Variants in GRM5 observed in about 807,000 individuals in gnomAD.
GRM5 encodes glutamate metabotropic receptor 5.
GRM5 carries 19 observed loss-of-function variants against 83.1 expected under a neutral mutation model. The ratio of observed to expected loss-of-function variants is 0.23; its 90% CI spans 0.16 to 0.34. The LOEUF (loss-of-function observed/expected upper bound fraction) is 0.34. Among genes scored for constraint, GRM5 ranks in the 10% least tolerant of loss-of-function variants. GRM5 has a pLI of 1.00. For synonymous variants in GRM5, 675 were observed against 633.6 expected, an observed-to-expected ratio of 1.07 and a Z score of -0.98; for missense variants, 1,160 against 1,588.3, an observed-to-expected ratio of 0.73 and a Z score of 4.58.
chr11:88,844,990 T>C lies in GRM5; in HGVS notation c.911+4916A>G, dbSNP rs1328120383. On this transcript the variant is annotated intron_variant, in intron 3 of 9. Transcript: ENST00000305447. ...GAAGTTGCTATAAGCATTGTTGAAA[T>C]GACAACAAAGAATTTAGAATATTAC... is the stretch of plus-strand genomic sequence containing the variant. Among the ~76,000 whole-genome samples the C allele has an allele frequency of 2.0e-5, 3 of 152,200 alleles. No homozygotes were observed. The East Asian group carries it at 5.8e-4, about 29-fold the overall frequency.
At chr11:88,773,777 T>C (rs907257018) in intron 3 of GRM5, among the ~76,000 whole-genome samples, 22 of 152,220 alleles carry the variant, frequency 1.4e-4, no homozygotes, top group Admixed American at 6.5e-4. Flanking sequence ...TATGGTATTA[T>C]TTCTGAGGCC....
chr11:89,049,815 C>A (rs1941719700), intron 1 of GRM5, among the ~76,000 whole-genome samples: 1 of 152,144 alleles, frequency 6.6e-6, no homozygotes, highest in African/African-American at 2.4e-5. Context: ...GAAATGAAGA[C>A]TGTTAGATTT....
At chr11:88,957,253 A>G (rs561980394) in intron 2 of GRM5, among the ~76,000 whole-genome samples, 156 of 152,312 alleles carry the variant, frequency 1.0e-3, no homozygotes, top group African/African-American at 3.6e-3. Context: ...TATATTCAAG[A>G]GAATTGTAAG....
intron 5 of GRM5, among the ~76,000 whole-genome samples, chr11:88,598,827 T>C (rs1388140274): frequency 1.3e-5 from 2 of 152,200 alleles, no homozygotes; most frequent in East Asian, 1.9e-4. Flanking sequence ...TGAAGAAATA[T>C]GTGGGTGTCA....
chr11:88,632,870 T>G (rs1031138883), intron 4 of GRM5, among the ~76,000 whole-genome samples: 4 of 152,210 alleles, frequency 2.6e-5, no homozygotes, highest in African/African-American at 9.6e-5. Flanking sequence ...TATAATTTTA[T>G]CCATACTAAT....
At chr11:88,779,337 G>T (rs1460522841) in intron 3 of GRM5, among the ~76,000 whole-genome samples, 3 of 152,096 alleles carry the variant, frequency 2.0e-5, no homozygotes, top group African/African-American at 7.2e-5. Flanking sequence ...ACCTAGCATG[G>T]TAATATTTGC....
intron 3 of GRM5, among the ~76,000 whole-genome samples, chr11:88,758,489 C>G (rs1942442780): frequency 6.6e-6 from 1 of 152,046 alleles, no homozygotes; most frequent in African/African-American, 2.4e-5. Context: ...AAGAAAGAAC[C>G]TCAGAGCTTT....
intron 1 of GRM5, among the ~76,000 whole-genome samples, chr11:89,061,809 T>A (rs771731042): frequency 6.6e-6 from 1 of 152,222 alleles, no homozygotes; most frequent in Non-Finnish European, 1.5e-5. Context: ...TAAGTGAACA[T>A]TGAAGAGTTT....
intron 2 of GRM5, among the ~76,000 whole-genome samples, chr11:89,009,421 A>C (rs1325654905): frequency 1.3e-5 from 2 of 152,178 alleles, no homozygotes; most frequent in South Asian, 4.1e-4. Context: ...CCATTGAGAA[A>C]ATTAAAGCTC....
intron 3 of GRM5, among the ~76,000 whole-genome samples, chr11:88,733,887 G>C (rs1941857241): frequency 6.6e-6 from 1 of 151,894 alleles, no homozygotes; most frequent in African/African-American, 2.4e-5. Flanking sequence ...GGGAAAAAGA[G>C]GGTCTATGAC....
intron 8 of GRM5, among the ~76,000 whole-genome samples, chr11:88,544,907 G>T (rs1354189697): frequency 1.3e-5 from 2 of 152,172 alleles, no homozygotes; most frequent in Non-Finnish European, 2.9e-5. Flanking sequence ...ATTAAGGTTT[G>T]CACTATAGAA....
intron 3 of GRM5, among the ~76,000 whole-genome samples, chr11:88,690,270 C>T (rs1423547836): frequency 6.6e-6 from 1 of 151,846 alleles, no homozygotes; most frequent in African/African-American, 2.4e-5. Flanking sequence ...CTTGCTTTAC[C>T]CTGAATTTCA....
intron 1 of GRM5, among the ~76,000 whole-genome samples, chr11:89,049,757 GA>G (rs1009139632): frequency 2.6e-5 from 4 of 152,028 alleles, no homozygotes; most frequent in Non-Finnish European, 4.4e-5. Context: ...GGAATATATA[GA>G]AAAAAATAGT....
intron 6 of GRM5, among the ~76,000 whole-genome samples, chr11:88,593,862 C>G (rs150469613): frequency 6.6e-6 from 1 of 150,376 alleles, no homozygotes; most frequent in African/African-American, 2.4e-5. Context: ...GGCGCCATCT[C>G]GGCTCACTGC....
chr11:88,886,056 AATCT>A (rs1460175743), intron 2 of GRM5, among the ~76,000 whole-genome samples: 3 of 152,280 alleles, frequency 2.0e-5, no homozygotes, highest in Non-Finnish European at 4.4e-5. Flanking sequence ...TGATCAAACC[AATCT>A]ATGAGCCCTG....
intron 4 of GRM5, among the ~76,000 whole-genome samples, chr11:88,635,462 A>G (rs1939092668): frequency 2.0e-5 from 3 of 152,140 alleles, no homozygotes; most frequent in African/African-American, 7.2e-5. Flanking sequence ...GGACATTTGT[A>G]TATCTTCTTT....
chr11:88,823,468 T>G (rs1024923518), intron 3 of GRM5, among the ~76,000 whole-genome samples: 1 of 152,172 alleles, frequency 6.6e-6, no homozygotes. Context: ...GTTAGAAGTT[T>G]TCCTCAGATG....
In GRM5 at chr11:88,560,402, C is replaced by T. The variant is rs532343146; in HGVS notation, c.2630+6651G>A. Among the ~76,000 whole-genome samples, 13 of 152,216 alleles carry T rather than the reference C, an allele frequency of 8.5e-5. No homozygotes were observed. The South Asian group carries it at 2.1e-3, about 24-fold the overall frequency. Reference sequence around the variant, plus strand: ...TGAACTTAACTGTTTCTAATCCTGCCTTTCCTGGGAGACTGAGGGCTTCCC... The same window carrying T: ...TGAACTTAACTGTTTCTAATCCTGCTTTTCCTGGGAGACTGAGGGCTTCCC... On this transcript the variant is annotated intron_variant, in intron 8 of 9. Transcript: ENST00000305447.
At chr11:88,987,954 T>G (rs1939793609) in intron 2 of GRM5, among the ~76,000 whole-genome samples, 1 of 150,196 alleles carries the variant, frequency 6.7e-6, no homozygotes, top group East Asian at 1.9e-4. Flanking sequence ...GCAGAGGGCC[T>G]CTCCTCCTCC....
Sources: gnomAD v4.1 joint callset for allele counts (sites outside exome capture counted in the v4.1 genomes callset) on GRCh38, gnomAD v4.1.1 for gene constraint, MANE v1.5 for transcripts, NCBI Gene and HGNC (gene_info 2026-07-23, HGNC 2026-07-21) for gene names.